The following ATP10A variants were observed in gnomAD, a reference collection of about 807,000 sequenced individuals.
ATP10A encodes phospholipid-transporting ATPase VA.
A neutral mutation model predicts 147.8 loss-of-function variants in ATP10A; 111 were observed. The ratio of observed to expected loss-of-function variants is 0.75; its 90% CI spans 0.64 to 0.88. The LOEUF (loss-of-function observed/expected upper bound fraction) is 0.88. Ranked by LOEUF, ATP10A falls within the 40% of genes least tolerant of loss-of-function variation. The probability of loss-of-function intolerance (pLI) is 0.00; values close to 1 mark genes in which losing one functional copy is unlikely to be tolerated. For missense variants in ATP10A, 1,927 were observed against 1,959.0 expected (o/e 0.98, Z 0.31); for synonymous variants, 875 against 841.6 (o/e 1.04, Z -0.69).
At chr15:25,749,060 C>CA (rs1171259548) in intron 2 of ATP10A, among the ~76,000 whole-genome samples, 1,467 of 66,990 alleles carry the variant, frequency 0.022, 42 homozygotes, top group African/African-American at 0.059. Context: ...GAGACTCTGT[C>CA]AAAAAAAAAA....
intron 12 of ATP10A, among the ~76,000 whole-genome samples, chr15:25,703,038 C>A (rs561986591): frequency 6.6e-6 from 1 of 152,064 alleles, no homozygotes; most frequent in South Asian, 2.1e-4. Flanking sequence ...ATGGGGCTCC[C>A]TCGATGGGAT....
At chr15:25,803,884 C>T (rs1891050115) in intron 1 of ATP10A, among the ~76,000 whole-genome samples, 1 of 152,242 alleles carries the variant, frequency 6.6e-6, no homozygotes, top group South Asian at 2.1e-4. Context: ...GCACGTGCTG[C>T]TGCTGGTCTG....
intron 3 of ATP10A, among the ~76,000 whole-genome samples, chr15:25,729,076 G>A (rs1241714809): frequency 6.6e-6 from 1 of 152,226 alleles, no homozygotes; most frequent in African/African-American, 2.4e-5. Context: ...CGTCAGCTCC[G>A]TTGTCATGGG....
intron 2 of ATP10A, among the ~76,000 whole-genome samples, chr15:25,748,048 T>C (rs1035149676): frequency 1.3e-5 from 2 of 152,230 alleles, no homozygotes; most frequent in Admixed American, 1.3e-4. Context: ...CTGCAAGCTC[T>C]GCCTCCCGGG....
intron 12 of ATP10A, among the ~76,000 whole-genome samples, chr15:25,707,471 T>C (rs554492855): frequency 2.6e-5 from 4 of 152,342 alleles, no homozygotes; most frequent in East Asian, 1.9e-4. Flanking sequence ...ATTAACATAA[T>C]AAATACCTTC....
At chr15:25,692,650 A>C (rs1479400329) in intron 14 of ATP10A, among the ~76,000 whole-genome samples, 1 of 152,230 alleles carries the variant, frequency 6.6e-6, no homozygotes, top group East Asian at 1.9e-4. Context: ...CTCTGAAGCA[A>C]TAAAAATCTG....
intron 3 of ATP10A, among the ~76,000 whole-genome samples, chr15:25,735,003 C>A (rs890670028): frequency 1.5e-5 from 2 of 131,978 alleles, no homozygotes; most frequent in African/African-American, 5.9e-5. Flanking sequence ...GTGGTGGGAG[C>A]GGGGGGGGGG....
intron 2 of ATP10A, among the ~76,000 whole-genome samples, chr15:25,753,055 A>G (rs377648238): frequency 1.4e-4 from 22 of 152,338 alleles, no homozygotes; most frequent in African/African-American, 5.1e-4. Flanking sequence ...AAGCTAGTTA[A>G]CATATCTATC....
chr15:25,790,170 G>A (rs992395381), intron 1 of ATP10A, among the ~76,000 whole-genome samples: 6 of 152,138 alleles, frequency 3.9e-5, no homozygotes, highest in Admixed American at 6.5e-5. Flanking sequence ...ACATGCTAAT[G>A]GATTCTGAAT....
chr15:25,679,809 G>A lies in ATP10A; in HGVS notation c.4032C>T (p.Val1344=). 6.2e-7 allele frequency: 1 copy of A among 1,612,494 alleles called. No homozygotes were observed. The highest frequency in any genetic ancestry group is 8.5e-7 in the Non-Finnish European group (1 of 1,179,898). ...GCTGGGACAGGGGCACAGAGGTCTT[G>A]ACTGTCCTCCCTGATGAGTGCTCGG... ...SGTEHSSGRT[V]KTSVPLSQPS... The change falls in exon 21 of 21, where the codon GTC becomes GTT. Residue 1344 remains valine, a synonymous_variant. Transcript: ENST00000555815.
rs115871053 is a variant in ATP10A, at chr15:25,703,709, A to G, written c.2576-1609T>C. On this transcript the variant is annotated intron_variant, in intron 12 of 20. Coordinates refer to ENST00000555815, the MANE Select transcript of ATP10A (RefSeq NM_024490.4). ...AAATATTCCTTTGATACACTTTCACAAGTCACATACCAGTGTCACCAGCCC... is the reference window on the plus strand; with the variant it reads ...AAATATTCCTTTGATACACTTTCACGAGTCACATACCAGTGTCACCAGCCC... Among the ~76,000 whole-genome samples the G allele has an allele frequency of 6.5e-3, 994 of 152,322 alleles. 11 individuals are homozygous for G. Among genetic ancestry groups the G allele is most frequent in the African/African-American group, 0.023 (945 of 41,566 alleles).
At chr15:25,829,028 G>A (rs763106679) in intron 1 of ATP10A, among the ~76,000 whole-genome samples, 3 of 152,106 alleles carry the variant, frequency 2.0e-5, no homozygotes, top group Non-Finnish European at 4.4e-5. Context: ...GAGAAAGGAG[G>A]GGGTAACAGA....
chr15:25,844,601 G>A (rs1268900325), intron 1 of ATP10A, among the ~76,000 whole-genome samples: 1 of 152,212 alleles, frequency 6.6e-6, no homozygotes, highest in East Asian at 1.9e-4. Flanking sequence ...TACTCAGGGT[G>A]CAGCCCCCCA....
chr15:25,849,471 A>G (rs1344460604), intron 1 of ATP10A, among the ~76,000 whole-genome samples: 1 of 152,196 alleles, frequency 6.6e-6, no homozygotes, highest in Non-Finnish European at 1.5e-5. Context: ...AGAGCCAAGA[A>G]TTACAGACAC....
intron 8 of ATP10A, among the ~76,000 whole-genome samples, chr15:25,717,258 CT>C (rs1901878057): frequency 6.6e-6 from 1 of 152,034 alleles, no homozygotes; most frequent in Non-Finnish European, 1.5e-5. Flanking sequence ...CTTTTCCAGG[CT>C]TTTAAGAATT....
At chr15:25,862,512 G>T in intron 1 of ATP10A, 136 bp downstream of exon 1, 1 of 1,099,270 alleles carries the variant, frequency 9.1e-7, no homozygotes, top group Non-Finnish European at 1.3e-6. Context: ...CGGGTCCCGC[G>T]CAGCCGGGCC....
chr15:25,851,080 G>A (rs974998954), intron 1 of ATP10A, among the ~76,000 whole-genome samples: 1 of 152,046 alleles, frequency 6.6e-6, no homozygotes, highest in South Asian at 2.1e-4. Context: ...CTTGGGGAGG[G>A]AGCCTTGTCA....
At chr15:25,681,947 A>G (rs569028016) in intron 17 of ATP10A, among the ~76,000 whole-genome samples, 12 of 151,844 alleles carry the variant, frequency 7.9e-5, no homozygotes, top group Admixed American at 5.9e-4. Flanking sequence ...CCAGCTACTC[A>G]GGAGGCTGAG....
intron 1 of ATP10A, among the ~76,000 whole-genome samples, chr15:25,796,476 T>C (rs761398992): frequency 3.9e-5 from 6 of 152,346 alleles, no homozygotes; most frequent in African/African-American, 1.4e-4. Flanking sequence ...CACACTGCCA[T>C]GGTCTAATTA....
Sources: gnomAD v4.1 joint callset for allele counts (sites outside exome capture counted in the v4.1 genomes callset) on GRCh38, gnomAD v4.1.1 for gene constraint, MANE v1.5 for transcripts, NCBI Gene and HGNC (gene_info 2026-07-23, HGNC 2026-07-21) for gene names.